ZBBX: variants seen among roughly 807,000 people sequenced by gnomAD.
ZBBX encodes zinc finger B-box domain-containing protein 1.
In ZBBX, 101 loss-of-function variants were observed where a neutral mutation model predicts 108.5. The observed-to-expected ratio is 0.93, with a 90% CI of 0.79 to 1.10. The LOEUF (loss-of-function observed/expected upper bound fraction) is 1.10, where lower values mean the gene tolerates loss of function less well. Ranked by LOEUF, ZBBX falls within the 50% of genes least tolerant of loss-of-function variation. ZBBX has a pLI of 0.00. For missense variants in ZBBX, 1,009 were observed against 941.4 expected (o/e 1.07, Z -0.94); for synonymous variants, 356 against 323.4 (o/e 1.10, Z -1.08).
chr3:167,318,282 A>G (rs1282314397), intron 12 of ZBBX, among the ~76,000 whole-genome samples: 1 of 152,034 alleles, frequency 6.6e-6, no homozygotes, highest in Non-Finnish European at 1.5e-5. Flanking sequence ...TAAAGTCCCC[A>G]TGTAAAAGCC....
At chr3:167,348,368 G>GAAAGAAAGAAAGAAAGA (rs1431515037) in intron 9 of ZBBX, among the ~76,000 whole-genome samples, 3 of 111,584 alleles carry the variant, frequency 2.7e-5, no homozygotes, top group Non-Finnish European at 3.8e-5. Flanking sequence ...AAGAAAGAAA[G>GAAAGAAAGAAAGAAAGA]AAAAAAAAGA....
rs1737700584 is a variant in ZBBX at position 167,327,930 on chromosome 3, A to AAAG, written c.862+11_862+12insCTT. On this transcript the variant is annotated intron_variant, in intron 11 of 21. Coordinates refer to ENST00000675490, the MANE Select transcript of ZBBX (RefSeq NM_001199201.2). The stretch of plus-strand genomic sequence containing the variant: ...CTCTGTCTCAAAAAAAAAAAAAAAA[A>AAAG]AAAAGCCATACCTTTTACTGCTGCA... 1 of 1,560,554 alleles carries AAAG rather than the reference A, an allele frequency of 6.4e-7. No individual in the cohort carries two copies. The highest frequency in any genetic ancestry group is 1.4e-5 in the African/African-American group (1 of 71,834).
chr3:167,356,798 T>C (rs184134162), intron 8 of ZBBX, among the ~76,000 whole-genome samples: 5 of 152,166 alleles, frequency 3.3e-5, no homozygotes, highest in Admixed American at 1.3e-4. Flanking sequence ...AGAAAATAAA[T>C]AAACATATAA....
At chr3:167,387,055 A>G (rs1470243949) in intron 1 of ZBBX, among the ~76,000 whole-genome samples, 4 of 152,068 alleles carry the variant, frequency 2.6e-5, no homozygotes, top group Non-Finnish European at 5.9e-5. Flanking sequence ...AACTTTGTCC[A>G]TAAGAAAGGT....
chr3:167,277,339 GT>G (rs768155840), intron 20 of ZBBX, among the ~76,000 whole-genome samples: 19 of 152,146 alleles, frequency 1.2e-4, no homozygotes, highest in Non-Finnish European at 2.4e-4. Context: ...TCAGTGTGCT[GT>G]ATTCAGGAAG....
At chr3:167,199,110 T>C in the ZBBX span, among the ~76,000 whole-genome samples, 5 of 152,102 alleles carry the variant, frequency 3.3e-5, no homozygotes, top group South Asian at 2.1e-4. Flanking sequence ...GGAAGTGAGA[T>C]AGAGAAGCAG....
intron 20 of ZBBX, among the ~76,000 whole-genome samples, chr3:167,246,282 G>A (rs1481382783): frequency 6.6e-6 from 1 of 152,180 alleles, no homozygotes; most frequent in Non-Finnish European, 1.5e-5. Flanking sequence ...AAAGCAAAAA[G>A]ACTGTCATTC....
At chr3:167,272,772 C>T (rs2108479742) in intron 20 of ZBBX, among the ~76,000 whole-genome samples, 1 of 152,290 alleles carries the variant, frequency 6.6e-6, no homozygotes, top group Non-Finnish European at 1.5e-5. Context: ...GCGCCCCCTA[C>T]CAAGACTCTT....
At chr3:167,316,899 G>A (rs1735549495) in intron 14 of ZBBX, 106 bp downstream of exon 14, 3 of 589,634 alleles carry the variant, frequency 5.1e-6, no homozygotes, top group Non-Finnish European at 5.7e-6. Flanking sequence ...ATTAAACTAT[G>A]TTAGTTATTT....
At chr3:167,308,810 T>TGAAG (rs1734097267) in intron 16 of ZBBX, among the ~76,000 whole-genome samples, 1 of 151,536 alleles carries the variant, frequency 6.6e-6, no homozygotes, top group Non-Finnish European at 1.5e-5. Context: ...AGGGTGAGGG[T>TGAAG]GGTAGGAGGG....
At chr3:167,178,475 T>A in the ZBBX span, among the ~76,000 whole-genome samples, 7 of 152,178 alleles carry the variant, frequency 4.6e-5, no homozygotes, top group African/African-American at 1.7e-4. Context: ...TGTCCACAGG[T>A]AGGTGGCTGT....
At chr3:167,349,649 C>G (rs918924076) in intron 9 of ZBBX, among the ~76,000 whole-genome samples, 1 of 152,022 alleles carries the variant, frequency 6.6e-6, no homozygotes, top group African/African-American at 2.4e-5. Context: ...CCTTTGCCTA[C>G]AGATAATATT....
intron 20 of ZBBX, among the ~76,000 whole-genome samples, chr3:167,268,768 T>C (rs75650649): frequency 3.5e-3 from 537 of 152,096 alleles, no homozygotes; most frequent in Non-Finnish European, 4.4e-3. Context: ...TCAGAGAAGA[T>C]CAATAAGTAT....
At chr3:167,359,457 A>G (rs1462632235) in intron 8 of ZBBX, among the ~76,000 whole-genome samples, 3 of 152,158 alleles carry the variant, frequency 2.0e-5, no homozygotes, top group South Asian at 4.1e-4. Context: ...GGGAGGATAG[A>G]ATATGATGAC....
intron 1 of ZBBX, among the ~76,000 whole-genome samples, chr3:167,398,474 C>A (rs1748318174): frequency 6.6e-6 from 1 of 151,916 alleles, no homozygotes; most frequent in African/African-American, 2.4e-5. Flanking sequence ...TTTTTATGAA[C>A]TTTAGAATTA....
chr3:167,347,514 T>G (rs73030670), intron 9 of ZBBX, among the ~76,000 whole-genome samples: 2,329 of 152,102 alleles, frequency 0.015, 70 homozygotes, highest in African/African-American at 0.053. Flanking sequence ...ACCACATACA[T>G]GCAGAATCCA....
the ZBBX span, among the ~76,000 whole-genome samples, chr3:167,223,917 T>C: frequency 6.6e-6 from 1 of 151,962 alleles, no homozygotes. Flanking sequence ...TTGTTCCTAC[T>C]TTCTTTTTTA....
intron 1 of ZBBX, among the ~76,000 whole-genome samples, chr3:167,391,666 AC>A (rs1324632078): frequency 1.6e-4 from 24 of 151,578 alleles, no homozygotes; most frequent in African/African-American, 5.6e-4. Context: ...AACATGATTG[AC>A]TTTTAATTAT....
chr3:167,284,717 A>C (rs1334899009), intron 19 of ZBBX, among the ~76,000 whole-genome samples: 5 of 152,178 alleles, frequency 3.3e-5, no homozygotes, highest in Admixed American at 6.6e-5. Context: ...CACAGCAAAG[A>C]AACAGACCAT....
Sources: allele counts gnomAD v4.1 joint callset (sites outside exome capture counted in the v4.1 genomes callset), GRCh38; gene constraint gnomAD v4.1.1; transcripts MANE v1.5; gene names NCBI Gene and HGNC (gene_info 2026-07-23, HGNC 2026-07-21).